The following EMILIN2 variants were observed in gnomAD, a reference collection of about 807,000 sequenced individuals.
EMILIN2 encodes elastin microfibril interfacer 2.
EMILIN2 carries 71 observed loss-of-function variants against 87.1 expected under a neutral mutation model. The observed-to-expected ratio is 0.82, with a 90% CI of 0.67 to 0.99. The LOEUF (loss-of-function observed/expected upper bound fraction) is 0.99, where lower values mean the gene tolerates loss of function less well. EMILIN2 is among the 50% of genes least tolerant of loss of function. EMILIN2 has a pLI of 0.00. For missense variants in EMILIN2, 1,407 were observed against 1,371.8 expected (o/e 1.03, Z -0.40); for synonymous variants, 581 against 563.4 (o/e 1.03, Z -0.44).
intron 2 of EMILIN2, among the ~76,000 whole-genome samples, chr18:2,858,583 G>GTGTGTGTGTGTGTGTATA (rs1180735843): frequency 1.6e-5 from 1 of 63,064 alleles, no homozygotes; most frequent in African/African-American, 9.4e-5. Context: ...GTGTGTGTGT[G>GTGTGTGTGTGTGTGTATA]TATATATATA....
rs1370510253 is a variant in EMILIN2, at chr18:2,847,824, C to T, written c.150C>T (p.Tyr50=). 3 of 1,613,330 alleles carry T rather than the reference C, an allele frequency of 1.9e-6. No homozygotes were observed. The highest frequency in any genetic ancestry group is 2.2e-5 in the East Asian group (1 of 44,886). The part of the protein sequence containing the change: ...PSARNKNWCA[Y]IVNKNVSCSV... The stretch of plus-strand genomic sequence containing the variant: ...TGCACCCCAGGAACTGGTGCGCCTA[C>T]ATCGTGAACAAGAATGTGAGCTGCT... The change falls in exon 2 of 8, where the codon TAC becomes TAT. Residue 50 remains tyrosine (Y), a synonymous_variant. Transcript: ENST00000254528. The surrounding 1 kb of genome is among the most constrained non-coding windows in gnomAD (Gnocchi z 4.5).
At chr18:2,855,582 C>T (rs980293779) in intron 2 of EMILIN2, among the ~76,000 whole-genome samples, 9 of 152,126 alleles carry the variant, frequency 5.9e-5, no homozygotes, top group African/African-American at 1.7e-4. Flanking sequence ...CTGAGGTAGC[C>T]GGAAAAGGGG....
chr18:2,909,686 T>C lies in EMILIN2; in HGVS notation c.2696-5T>C. The C allele has an allele frequency of 6.2e-7, 1 of 1,613,700 alleles. No homozygotes were observed. Among genetic ancestry groups the C allele is most frequent in the South Asian group, 1.1e-5 (1 of 91,070 alleles). ...TCAATCCATTCCATCCTTTCTCTGC[T>C]CCAGGAGCTCCGGTGCCTTCTCTGG... On this transcript the variant is annotated splice_polypyrimidine_tract_variant and splice_region_variant and intron_variant, in intron 6 of 7. Coordinates refer to ENST00000254528, the MANE Select transcript of EMILIN2 (RefSeq NM_032048.3).
chr18:2,862,071 G>T (rs918636427), intron 2 of EMILIN2, among the ~76,000 whole-genome samples: 4 of 152,134 alleles, frequency 2.6e-5, no homozygotes, highest in African/African-American at 9.7e-5. Context: ...GGTGATTTTT[G>T]CACATTGATT....
chr18:2,847,982 G>A lies in EMILIN2; in HGVS notation c.257+51G>A. 1 of 1,522,804 alleles carries A rather than the reference G, an allele frequency of 6.6e-7. No individual in the cohort carries two copies. Among genetic ancestry groups the A allele is most frequent in the Non-Finnish European group, 8.8e-7 (1 of 1,137,258 alleles). 94.3% of individuals were successfully genotyped at this position (1,522,804 alleles called of 1,614,324 possible). On this transcript the variant is annotated intron_variant, in intron 2 of 7. Coordinates refer to ENST00000254528, the MANE Select transcript of EMILIN2 (RefSeq NM_032048.3). This position sits in a 1 kb window ranked among gnomAD's most constrained non-coding sequence, Gnocchi z 4.5. ...CGGGGCGCGCCCGGGCCGGGGCGGT[G>A]GGGGTGGGGTGGGGTTGCTGCGCTG...
Position 2,914,268 on chromosome 18 carries a change from C to T in EMILIN2, c.*864C>T, listed in dbSNP as rs1750643835. 1 of 152,208 alleles carries T rather than the reference C, an allele frequency of 6.6e-6. No homozygotes were observed. The highest frequency in any genetic ancestry group is 2.4e-5 in the African/African-American group (1 of 41,446). The allele number at this position is 152,208 out of a possible 1,614,324, so 9.4% of individuals were successfully genotyped here. ...TTGTTTCTGGCTTGTGAAGACGGAC[C>T]AGATGTGCACGGAGGTCAAGGCCCC... On this transcript the variant is annotated 3_prime_UTR_variant, in exon 8 of 8. Coordinates refer to ENST00000254528, the MANE Select transcript of EMILIN2 (RefSeq NM_032048.3).
intron 3 of EMILIN2, among the ~76,000 whole-genome samples, chr18:2,888,623 G>A (rs1037965520): frequency 6.6e-6 from 1 of 151,168 alleles, no homozygotes; most frequent in African/African-American, 2.4e-5. Context: ...GCTGAGGCAG[G>A]AGAATGGCGT....
chr18:2,852,258 G>C (rs1016695739), intron 2 of EMILIN2, among the ~76,000 whole-genome samples: 1 of 152,288 alleles, frequency 6.6e-6, no homozygotes. Context: ...ACACTATACA[G>C]TTTGTTGGCT....
rs190292763 is a variant in EMILIN2, at chr18:2,853,417, T to C, written c.257+5486T>C. On this transcript the variant is annotated intron_variant, in intron 2 of 7. Coordinates refer to ENST00000254528, the MANE Select transcript of EMILIN2 (RefSeq NM_032048.3). ...TAAAAGTGCAGAGGTTCTGCCTTGGTCATGGGCTGGTTTTAGGGACAGATA... is the reference window on the plus strand; with the variant it reads ...TAAAAGTGCAGAGGTTCTGCCTTGGCCATGGGCTGGTTTTAGGGACAGATA... 3.7e-3 allele frequency among the ~76,000 whole-genome samples: 570 copies of C among 152,118 alleles called. 1 individual carries two copies. Among genetic ancestry groups the C allele is most frequent in the African/African-American group, 0.013 (548 of 41,448 alleles).
rs983232953 is a variant in EMILIN2 at position 2,907,096 on chromosome 18, G to T, written c.2662+11G>T. On this transcript the variant is annotated intron_variant, in intron 5 of 7. Transcript: ENST00000254528. ...TCGCGGGCGCACCAGGTGAGGCCCG[G>T]GGCTGCGCGGGGAGGAGCGCGGGGC... 3 of 1,235,486 alleles carry T rather than the reference G, an allele frequency of 2.4e-6. No individual in the cohort carries two copies. In the African/African-American group the frequency reaches 4.7e-5, roughly 19 times the overall value. The allele number at this position is 1,235,486 out of a possible 1,614,324, so 76.5% of individuals were successfully genotyped here. A position where few individuals can be genotyped will look rare whatever the true frequency, so the allele number is the denominator to read the frequency against.
intron 2 of EMILIN2, among the ~76,000 whole-genome samples, chr18:2,876,012 C>T (rs113573417): frequency 0.11 from 15,323 of 142,346 alleles, 933 homozygotes; most frequent in Middle Eastern, 0.2. Context: ...GATGGAGTCT[C>T]GCTCTGTCAC....
chr18:2,876,645 A>G (rs1213250588), intron 2 of EMILIN2, among the ~76,000 whole-genome samples: 4 of 148,198 alleles, frequency 2.7e-5, no homozygotes, highest in Non-Finnish European at 4.5e-5. Flanking sequence ...GGGCGCCTGT[A>G]GTCCCAGCTA....
chr18:2,886,204 G>GA (rs1204832563), intron 3 of EMILIN2, among the ~76,000 whole-genome samples: 3 of 152,148 alleles, frequency 2.0e-5, no homozygotes, highest in Non-Finnish European at 4.4e-5. Flanking sequence ...GAATAAGTGA[G>GA]AAAAAAGGCA....
At chr18:2,913,002 C>G (rs567019274) in intron 7 of EMILIN2, 65 bp from the exon 8 acceptor site, 2 of 1,556,536 alleles carry the variant, frequency 1.3e-6, no homozygotes, top group South Asian at 1.1e-5. Flanking sequence ...TGGGGGGCCA[C>G]TTACTACCAT....
intron 7 of EMILIN2, among the ~76,000 whole-genome samples, chr18:2,911,860 G>C (rs967028555): frequency 1.7e-4 from 26 of 150,366 alleles, no homozygotes; most frequent in African/African-American, 6.3e-4. Context: ...TCTGAACAAA[G>C]GTGAAGGCCA....
At position 2,913,433 on chromosome 18, in the gene EMILIN2, T is replaced by G. The variant is rs1790994; in HGVS notation, c.*29T>G. The G allele has an allele frequency of 6.7e-7, 1 of 1,499,740 alleles. No homozygotes were observed. The allele number at this position is 1,499,740 out of a possible 1,614,324, so 92.9% of individuals were successfully genotyped here. On this transcript the variant is annotated 3_prime_UTR_variant, in exon 8 of 8. Coordinates refer to ENST00000254528, the MANE Select transcript of EMILIN2 (RefSeq NM_032048.3). The stretch of plus-strand genomic sequence containing the variant: ...GGCTGGGGAGATGTCAGGGGAAAGA[T>G]AGATAGTTGTAAAAACTCTAAAGCT...
Position 2,847,341 on chromosome 18 carries a change from G to T in EMILIN2, c.134+19G>T. On this transcript the variant is annotated intron_variant, in intron 1 of 7. Coordinates refer to ENST00000254528, the MANE Select transcript of EMILIN2 (RefSeq NM_032048.3). The surrounding 1 kb of genome is among the most constrained non-coding windows in gnomAD (Gnocchi z 4.5). ...GGAACAAGTAAGTGCGCGCCCCTTG[G>T]CTGGCCCCAAACCGCCTACCCCTCC... is the stretch of plus-strand genomic sequence containing the variant. 1 of 1,304,824 alleles carries T rather than the reference G, an allele frequency of 7.7e-7. No individual in the cohort carries two copies. The highest frequency in any genetic ancestry group is 9.7e-7 in the Non-Finnish European group (1 of 1,029,328). 80.8% of individuals were successfully genotyped at this position (1,304,824 alleles called of 1,614,324 possible).
chr18:2,854,492 A>C (rs912089552), intron 2 of EMILIN2, among the ~76,000 whole-genome samples: 1 of 152,080 alleles, frequency 6.6e-6, no homozygotes. Context: ...CTTAAAACAC[A>C]CACACACACA....
At chr18:2,876,043 G>A (rs542292454) in intron 2 of EMILIN2, among the ~76,000 whole-genome samples, 1 of 148,156 alleles carries the variant, frequency 6.7e-6, no homozygotes, top group South Asian at 2.1e-4. Context: ...GTGCAGTGGC[G>A]CGATCTTAGC....
Sources: gnomAD v4.1 joint callset for allele counts (sites outside exome capture counted in the v4.1 genomes callset) on GRCh38, gnomAD v4.1.1 for gene constraint, Gnocchi (gnomAD v3.1) non-coding constraint, MANE v1.5 for transcripts, NCBI Gene and HGNC (gene_info 2026-07-23, HGNC 2026-07-21) for gene names.